Variants in ADAMTS10 observed in about 807,000 individuals in gnomAD.
ADAMTS10 encodes A disintegrin and metalloproteinase with thrombospondin motifs 10.
Under a neutral mutation model 135.9 loss-of-function variants are expected in ADAMTS10, and 48 were observed. The observed-to-expected ratio is 0.35, with a 90% confidence interval of 0.28 to 0.45. The LOEUF is 0.45. Among genes scored for constraint, ADAMTS10 ranks in the 20% least tolerant of loss-of-function variants. The pLI, the probability that ADAMTS10 is intolerant of heterozygous loss-of-function variation, is 1.00. For missense variants in ADAMTS10, 1,131 were observed against 1,565.2 expected, an observed-to-expected ratio of 0.72 and a Z score of 4.68; for synonymous variants, 621 against 647.5, an observed-to-expected ratio of 0.96 and a Z score of 0.62.
chr19:8,584,512 C>T (rs952244694), intron 25 of ADAMTS10, among the ~76,000 whole-genome samples: 1 of 152,036 alleles, frequency 6.6e-6, no homozygotes, highest in African/African-American at 2.4e-5. Context: ...AACAAAAAAC[C>T]CTACAATGTG....
chr19:8,601,992 G>A lies in ADAMTS10; in HGVS notation c.593-847C>T, dbSNP rs896102037. 6.6e-6 allele frequency among the ~76,000 whole-genome samples: 1 copy of A among 152,188 alleles called. No homozygotes were observed. Among genetic ancestry groups the A allele is most frequent in the Non-Finnish European group, 1.5e-5 (1 of 68,038 alleles). ...CCACTGACAATTCCACTGCCCGAAT[G>A]GAATGGTGTGAACCAGCCTGTTTTG... On this transcript the variant is annotated intron_variant, in intron 5 of 25. Coordinates refer to ENST00000597188, the MANE Select transcript of ADAMTS10 (RefSeq NM_030957.4). This position sits in a 1 kb window ranked among gnomAD's most constrained non-coding sequence, Gnocchi z 4.6.
chr19:8,589,859 GC>G, intron 16 of ADAMTS10, 29 bp downstream of exon 16: 3 of 1,598,828 alleles, frequency 1.9e-6, no homozygotes, highest in Non-Finnish European at 2.6e-6. Context: ...GCCCTTCACG[GC>G]CCCACAGCCT....
At chr19:8,604,608 A>C (rs1215261711) in intron 4 of ADAMTS10, among the ~76,000 whole-genome samples, 3 of 151,588 alleles carry the variant, frequency 2.0e-5, no homozygotes, top group Admixed American at 2.0e-4. Context: ...CAGCCTCCTG[A>C]GTAGCTAGGA....
Position 8,586,103 on chromosome 19 carries a change from G to GC in ADAMTS10, c.2660+18dup, listed in dbSNP as rs782351669. 4 of 1,612,440 alleles carry GC rather than the reference G, an allele frequency of 2.5e-6. No individual in the cohort carries two copies. Among genetic ancestry groups the GC allele is most frequent in the Admixed American group, 1.7e-5 (1 of 60,020 alleles). On this transcript the variant is annotated intron_variant, in intron 22 of 25. Coordinates refer to ENST00000597188, the MANE Select transcript of ADAMTS10 (RefSeq NM_030957.4). ...CTCTCCTCTCACCCTGAGCAACACT[G>GC]CCCCCTGGCGGCACTCACTCTGGAG... is the stretch of plus-strand genomic sequence containing the variant.
At chr19:8,585,837 C>T (rs2042420740) in intron 22 of ADAMTS10, among the ~76,000 whole-genome samples, 177 bp from the exon 23 acceptor site, 1 of 152,138 alleles carries the variant, frequency 6.6e-6, no homozygotes. Flanking sequence ...AGACTGGGGG[C>T]AGAGAGGTGC....
rs563623245 is a variant in ADAMTS10, at chr19:8,588,634, A to G, written c.2158+608T>C. Among the ~76,000 whole-genome samples, 58 of 152,218 alleles carry G rather than the reference A, an allele frequency of 3.8e-4. 2 individuals carry two copies. Among genetic ancestry groups the G allele is most frequent in the East Asian group, 1.5e-3 (8 of 5,166 alleles). ...AAGGTGCTTTCTACATTCTCTGAAT[A>G]TCCCCTCCCGTAGTAAGCCTTTCCC... is the stretch of plus-strand genomic sequence containing the variant. On this transcript the variant is annotated intron_variant, in intron 18 of 25. Coordinates refer to ENST00000597188, the MANE Select transcript of ADAMTS10 (RefSeq NM_030957.4).
intron 18 of ADAMTS10, among the ~76,000 whole-genome samples, chr19:8,587,489 C>T (rs1600098064): frequency 7.4e-6 from 1 of 135,044 alleles, no homozygotes; most frequent in African/African-American, 2.8e-5. Flanking sequence ...TTTTTTCAGA[C>T]AGGATCTCAC....
chr19:8,592,909 C>T (rs1555739507), intron 12 of ADAMTS10, 39 bp from the exon 13 acceptor site: 17 of 1,582,034 alleles, frequency 1.1e-5, no homozygotes, highest in Non-Finnish European at 1.5e-5. Context: ...GCCCCCCTCC[C>T]TTCCTCCCTG....
chr19:8,592,644 G>T (rs1227771677), intron 13 of ADAMTS10, 119 bp downstream of exon 13: 2 of 1,038,362 alleles, frequency 1.9e-6, no homozygotes, highest in Non-Finnish European at 2.8e-6. Context: ...CACAAATGGC[G>T]GGCGTGGCCA....
In ADAMTS10 at chr19:8,603,696, C is replaced by T. The variant is rs1282137269; in HGVS notation, c.592+32G>A. 5 of 1,613,546 alleles carry T rather than the reference C, an allele frequency of 3.1e-6. No homozygotes were observed. The African/African-American group carries it at 5.3e-5, about 17-fold the overall frequency. On this transcript the variant is annotated intron_variant, in intron 5 of 25. Transcript: ENST00000597188. Reference sequence around the variant, plus strand: ...GCCTCAAGGGAAAGATACTGTGTAGCCCTCTGCCCATCCCCAGAAAGACCG... The same window carrying T: ...GCCTCAAGGGAAAGATACTGTGTAGTCCTCTGCCCATCCCCAGAAAGACCG...
chr19:8,602,757 C>T (rs553218113), intron 5 of ADAMTS10, among the ~76,000 whole-genome samples: 1 of 152,168 alleles, frequency 6.6e-6, no homozygotes, highest in Non-Finnish European at 1.5e-5. Context: ...TCTCAAGTAG[C>T]TGGGACTACA....
At chr19:8,606,311 C>T (rs559119838) in intron 2 of ADAMTS10, among the ~76,000 whole-genome samples, 102 of 152,236 alleles carry the variant, frequency 6.7e-4, no homozygotes, top group African/African-American at 2.2e-3. Flanking sequence ...GATCCTTTCA[C>T]CTCAGCCTCC....
In ADAMTS10 at chr19:8,589,514, C is replaced by G. The variant is rs782115738; in HGVS notation, c.1972G>C (p.Val658Leu). 1.9e-6 allele frequency: 3 copies of G among 1,613,578 alleles called. No homozygotes were observed. Among genetic ancestry groups the G allele is most frequent in the Admixed American group, 1.7e-5 (1 of 60,012 alleles). ...FNFYTERAAA[V>L]VDGTPCRPDT... Reference sequence around the variant, plus strand: ...GGACGGCAGGGTGTCCCGTCCACCACGGCTGCCGCCCTCTCCGTGTAGAAG... The same window carrying G: ...GGACGGCAGGGTGTCCCGTCCACCAGGGCTGCCGCCCTCTCCGTGTAGAAG... Residue 658 changes from valine to leucine, a missense_variant, in exon 17 of 26, where the codon GTG becomes CTG. Transcript: ENST00000597188.
At chr19:8,606,047 T>G (rs2042718744) in intron 2 of ADAMTS10, among the ~76,000 whole-genome samples, 1 of 152,228 alleles carries the variant, frequency 6.6e-6, no homozygotes, top group Non-Finnish European at 1.5e-5. Flanking sequence ...GGCCCTAGTT[T>G]TCACACCACT....
rs114237988 is a variant in ADAMTS10 at position 8,607,375 on chromosome 19, G to C, written c.-100+759C>G. ...TCCTCCACCCTGTGTTTCTGACCCCGTCCTCCATTCAGATTCTTTCAAGGC... is the reference window on the plus strand; with the variant it reads ...TCCTCCACCCTGTGTTTCTGACCCCCTCCTCCATTCAGATTCTTTCAAGGC... On this transcript the variant is annotated intron_variant, in intron 2 of 25. Transcript: ENST00000597188. Among the ~76,000 whole-genome samples, 149 of 152,064 alleles carry C rather than the reference G, an allele frequency of 9.8e-4. 5 individuals are homozygous for C. The South Asian group carries it at 0.029, about 30-fold the overall frequency.
rs2042376025 is a variant in ADAMTS10 at position 8,583,094 on chromosome 19, A to C, written c.3202+1801T>G. ...CCACCTCGCCCGGCCTGGGTGGATC[A>C]TTTTATTGCATCTCCCTTCTGGGGC... is the stretch of plus-strand genomic sequence containing the variant. On this transcript the variant is annotated intron_variant, in intron 25 of 25. Transcript: ENST00000597188. 2.0e-5 allele frequency among the ~76,000 whole-genome samples: 3 copies of C among 151,518 alleles called. 1 individual carries two copies. Among genetic ancestry groups the C allele is most frequent in the Admixed American group, 1.3e-4 (2 of 15,222 alleles).
rs1555736603 is a variant in ADAMTS10, at chr19:8,585,222, G to A, written c.2952C>T (p.His984=). ...CCGGTGGCTTGGCGGCGGGTGAGCA[G>A]TGCGCCGGGGGCAGCGTGGCGCGGT... ...ADHRATLPPA[H]CSPAAKPPAT... is the part of the protein sequence containing the mutation. The change falls in exon 24 of 26, where the codon CAC becomes CAT. Residue 984 remains histidine, a synonymous_variant. Coordinates refer to ENST00000597188, the MANE Select transcript of ADAMTS10 (RefSeq NM_030957.4). 6.9e-7 allele frequency: 1 copy of A among 1,444,952 alleles called. No individual in the cohort carries two copies. The highest frequency in any genetic ancestry group is 9.1e-7 in the Non-Finnish European group (1 of 1,099,844). The allele number at this position is 1,444,952 out of a possible 1,614,324, so 89.5% of individuals were successfully genotyped here.
In ADAMTS10 at chr19:8,603,713, GA is replaced by G. The variant is rs782673637; in HGVS notation, c.592+14del. On this transcript the variant is annotated intron_variant, in intron 5 of 25. Transcript: ENST00000597188. ...CTGTGTAGCCCTCTGCCCATCCCCA[GA>G]AAGACCGATGTACCTCTCACTCCAC... 6.2e-7 allele frequency: 1 copy of G among 1,614,094 alleles called. No individual in the cohort carries two copies. The highest frequency in any genetic ancestry group is 1.1e-5 in the South Asian group (1 of 91,074).
chr19:8,597,151 A>C lies in ADAMTS10; in HGVS notation c.895-19T>G. On this transcript the variant is annotated intron_variant, in intron 7 of 25. Transcript: ENST00000597188. ...GAGTGGGCTGGGGATGGACAGAGGG[A>C]AATGCATGGGCACCCACCACCCAGG... 1 of 1,614,106 alleles carries C rather than the reference A, an allele frequency of 6.2e-7. No homozygotes were observed. Among genetic ancestry groups the C allele is most frequent in the Non-Finnish European group, 8.5e-7 (1 of 1,180,018 alleles).
Sources: gnomAD v4.1 joint callset for allele counts (sites outside exome capture counted in the v4.1 genomes callset) on GRCh38, gnomAD v4.1.1 for gene constraint, Gnocchi (gnomAD v3.1) non-coding constraint, MANE v1.5 for transcripts, NCBI Gene and HGNC (gene_info 2026-07-23, HGNC 2026-07-21) for gene names.